The following ATF6 variants were observed in gnomAD, a reference collection of about 807,000 sequenced individuals.
The protein encoded by ATF6 is activating transcription factor 6.
Under a neutral mutation model 83.6 loss-of-function variants are expected in ATF6, and 53 were observed. The observed-to-expected ratio is 0.63, with a 90% CI of 0.51 to 0.80. The LOEUF is 0.80. Ranked by LOEUF, ATF6 falls within the 30% of genes least tolerant of loss-of-function variation. The pLI, the probability that ATF6 is intolerant of heterozygous loss-of-function variation, is 0.00. For missense variants in ATF6, 744 were observed against 797.9 expected, an observed-to-expected ratio of 0.93 and a Z score of 0.81; for synonymous variants, 288 against 285.8, an observed-to-expected ratio of 1.01 and a Z score of -0.08.
chr1:161,847,449 C>A (rs1022060743), intron 10 of ATF6, among the ~76,000 whole-genome samples: 17 of 152,058 alleles, frequency 1.1e-4, no homozygotes, highest in African/African-American at 4.1e-4. Context: ...CCTGAAAAAA[C>A]TGTTATTTTT....
At chr1:161,847,733 T>C (rs1353887119) in intron 10 of ATF6, among the ~76,000 whole-genome samples, 1 of 152,132 alleles carries the variant, frequency 6.6e-6, no homozygotes, top group Non-Finnish European at 1.5e-5. Context: ...ATTCTGTTAG[T>C]GTCCACATAA....
chr1:161,895,118 T>C (rs1189032824), intron 14 of ATF6, among the ~76,000 whole-genome samples: 1 of 152,058 alleles, frequency 6.6e-6, no homozygotes, highest in Non-Finnish European at 1.5e-5. Flanking sequence ...GTACCTGTAG[T>C]CCCAGCTACT....
At chr1:161,942,136 T>C (rs1378243266) in intron 15 of ATF6, among the ~76,000 whole-genome samples, 2 of 152,212 alleles carry the variant, frequency 1.3e-5, no homozygotes, top group Non-Finnish European at 2.9e-5. Context: ...CACACTTGTA[T>C]TAACAGTAGA....
At chr1:161,774,855 A>G (rs1350872414) in intron 1 of ATF6, among the ~76,000 whole-genome samples, 1 of 152,198 alleles carries the variant, frequency 6.6e-6, no homozygotes, top group Admixed American at 6.5e-5. Flanking sequence ...ATGTCTCATC[A>G]GTGTCCTTTA....
Position 161,958,772 on chromosome 1 carries a change from A to G in ATF6, c.*118A>G. ...AGAGAACTGTCTCGTACTAGAATTC[A>G]AGGAGGAAAGAAGAAGAAATAAAAG... is the stretch of plus-strand genomic sequence containing the variant. On this transcript the variant is annotated 3_prime_UTR_variant, in exon 16 of 16. Transcript: ENST00000367942. 1.2e-6 allele frequency: 1 copy of G among 839,144 alleles called. No homozygotes were observed. Among genetic ancestry groups the G allele is most frequent in the Non-Finnish European group, 1.8e-6 (1 of 559,052 alleles). 52.0% of individuals were successfully genotyped at this position (839,144 alleles called of 1,614,324 possible).
At chr1:161,842,993 G>C (rs1255712881) in intron 9 of ATF6, among the ~76,000 whole-genome samples, 2 of 152,136 alleles carry the variant, frequency 1.3e-5, no homozygotes, top group African/African-American at 4.8e-5. Flanking sequence ...ATTTTACAAT[G>C]ATTTGTATTT....
intron 14 of ATF6, among the ~76,000 whole-genome samples, chr1:161,901,494 CAAA>C (rs771638813): frequency 1.8e-5 from 2 of 109,300 alleles, no homozygotes; most frequent in African/African-American, 3.4e-5. Flanking sequence ...TCTCCCAAAG[CAAA>C]AAAAAAAAAA....
In ATF6 at chr1:161,912,324, A is replaced by G. The variant is rs1029629568; in HGVS notation, c.1748A>G (p.His583Arg). Residue 583 changes from histidine (H) to arginine (R), a missense_variant, in exon 15 of 16, where the codon CAT becomes CGT. His to Arg is a conservative substitution (Grantham distance 29, BLOSUM62 0). Transcript: ENST00000367942. ...RDHLLLPATT[H>R]NKTTRPKMSI... is the part of the protein sequence containing the mutation. ...CACCTGCTGTTACCAGCTACCACCCATAACAAGACCACAAGACCAAAAATG... is the reference window on the plus strand; with the variant it reads ...CACCTGCTGTTACCAGCTACCACCCGTAACAAGACCACAAGACCAAAAATG... The G allele has an allele frequency of 6.2e-7, 1 of 1,609,226 alleles. No homozygotes were observed. Among genetic ancestry groups the G allele is most frequent in the South Asian group, 1.1e-5 (1 of 90,030 alleles).
chr1:161,880,322 A>ATATG (rs1029981569), intron 14 of ATF6, among the ~76,000 whole-genome samples: 4 of 148,150 alleles, frequency 2.7e-5, no homozygotes, highest in Admixed American at 1.4e-4. Context: ...TTTATGTGTG[A>ATATG]TATGTATGTG....
chr1:161,802,240 C>T lies in ATF6; in HGVS notation c.877C>T (p.Leu293=). 1 of 1,613,984 alleles carries T rather than the reference C, an allele frequency of 6.2e-7. No homozygotes were observed. Among genetic ancestry groups the T allele is most frequent in the Middle Eastern group, 1.6e-4 (1 of 6,062 alleles). The change falls in exon 7 of 16, where the codon CTA becomes TTA. Residue 293 remains leucine, a synonymous_variant. Coordinates refer to ENST00000367942, the MANE Select transcript of ATF6 (RefSeq NM_007348.4). ...NGKLSVTKPV[L]QSTMRNVGSD... is the part of the protein sequence containing the mutation. Reference sequence around the variant, plus strand: ...AAAACTTTCCGTGACTAAACCTGTCCTACAAAGTACCATGAGAAATGTCGG... The same window carrying T: ...AAAACTTTCCGTGACTAAACCTGTCTTACAAAGTACCATGAGAAATGTCGG...
chr1:161,828,734 A>G (rs1378831089), intron 9 of ATF6, among the ~76,000 whole-genome samples: 1 of 152,218 alleles, frequency 6.6e-6, no homozygotes, highest in East Asian at 1.9e-4. Flanking sequence ...CTAAATTTAT[A>G]CTACTAGTGT....
chr1:161,820,948 A>T, intron 8 of ATF6, 122 bp from the exon 9 acceptor site: 2 of 510,382 alleles, frequency 3.9e-6, no homozygotes, highest in Non-Finnish European at 6.6e-6. Context: ...TTTAAATAAG[A>T]CAAGGTATTT....
At chr1:161,944,675 A>G (rs557077565) in intron 15 of ATF6, among the ~76,000 whole-genome samples, 1 of 152,318 alleles carries the variant, frequency 6.6e-6, no homozygotes, top group South Asian at 2.1e-4. Context: ...TTCTAATCTC[A>G]TGCAGCCTCT....
At chr1:161,848,391 C>T (rs974014977) in intron 10 of ATF6, among the ~76,000 whole-genome samples, 3 of 151,632 alleles carry the variant, frequency 2.0e-5, no homozygotes, top group Admixed American at 6.6e-5. Flanking sequence ...TTTAATGCAG[C>T]TTACTTTATG....
intron 15 of ATF6, among the ~76,000 whole-genome samples, chr1:161,937,749 G>A (rs1391639759): frequency 6.6e-6 from 1 of 151,764 alleles, no homozygotes; most frequent in African/African-American, 2.4e-5. Context: ...GGGGGGTGGG[G>A]GACAAGGTGA....
intron 13 of ATF6, among the ~76,000 whole-genome samples, chr1:161,861,383 A>G (rs943210371): frequency 3.3e-5 from 5 of 151,166 alleles, no homozygotes; most frequent in Non-Finnish European, 5.9e-5. Flanking sequence ...TTAAATGACA[A>G]TGAGCAGCAT....
intron 7 of ATF6, among the ~76,000 whole-genome samples, chr1:161,802,995 A>G (rs1160914808): frequency 3.9e-5 from 6 of 152,244 alleles, no homozygotes; most frequent in Admixed American, 6.5e-5. Flanking sequence ...TGTTAAAGCT[A>G]TATAGTCAAA....
intron 14 of ATF6, among the ~76,000 whole-genome samples, chr1:161,898,491 CATAATATAGTTAT>C (rs978299747): frequency 5.9e-5 from 9 of 152,090 alleles, no homozygotes; most frequent in African/African-American, 1.9e-4. Context: ...ATTGAATTCC[CATAATATAGTTAT>C]ATAGTACTCA....
intron 15 of ATF6, among the ~76,000 whole-genome samples, chr1:161,922,604 G>C (rs1688233488): frequency 6.6e-6 from 1 of 151,976 alleles, no homozygotes; most frequent in Non-Finnish European, 1.5e-5. Context: ...AGACCTTTTT[G>C]ATTGGGTAAT....
Sources: gnomAD v4.1 joint callset for allele counts (sites outside exome capture counted in the v4.1 genomes callset) on GRCh38, gnomAD v4.1.1 for gene constraint, MANE v1.5 for transcripts, NCBI Gene and HGNC (gene_info 2026-07-23, HGNC 2026-07-21) for gene names.